HECW2: variants seen among roughly 807,000 people sequenced by gnomAD.
HECW2 encodes the protein HECT, C2 and WW domain containing E3 ubiquitin protein ligase 2.
A neutral mutation model predicts 175.2 loss-of-function variants in HECW2; 61 were observed. The ratio of observed to expected loss-of-function variants is 0.35; its 90% CI spans 0.28 to 0.43. The LOEUF (loss-of-function observed/expected upper bound fraction) is 0.43. Among genes scored for constraint, HECW2 ranks in the 20% least tolerant of loss-of-function variants. The pLI, the probability that HECW2 is intolerant of heterozygous loss-of-function variation, is 1.00. For synonymous variants in HECW2, 671 were observed against 731.0 expected, an observed-to-expected ratio of 0.92 and a Z score of 1.32; for missense variants, 1,524 against 2,000.5, an observed-to-expected ratio of 0.76 and a Z score of 4.54.
intron 2 of HECW2, among the ~76,000 whole-genome samples, chr2:196,354,395 T>C (rs1271734914): frequency 6.6e-6 from 1 of 152,182 alleles, no homozygotes; most frequent in African/African-American, 2.4e-5. Context: ...ACTCACTTGC[T>C]CACATACTCC....
rs1553509126 is a variant in HECW2 at position 196,374,046 on chromosome 2, A to AAT, written c.293-30283_293-30282insAT. Reference sequence around the variant, plus strand: ...GACTCCGTCTCAAAAAAAATAAAATAAAATAAATAAATAAATAAATATGTG... The same window carrying AAT: ...GACTCCGTCTCAAAAAAAATAAAATAATAAATAAATAAATAAATAAATATGTG... On this transcript the variant is annotated intron_variant, in intron 2 of 28. Transcript: ENST00000644978. 1.5e-4 allele frequency among the ~76,000 whole-genome samples: 23 copies of AAT among 148,568 alleles called. 1 individual carries two copies. Among genetic ancestry groups the AAT allele is most frequent in the African/African-American group, 2.8e-4 (11 of 39,122 alleles).
chr2:196,254,312 T>C (rs1688968848), intron 18 of HECW2, among the ~76,000 whole-genome samples: 1 of 152,218 alleles, frequency 6.6e-6, no homozygotes, highest in African/African-American at 2.4e-5. Context: ...TTGAAAATCA[T>C]ACCTGGGTTT....
intron 2 of HECW2, among the ~76,000 whole-genome samples, chr2:196,398,224 G>A (rs537445903): frequency 1.3e-5 from 2 of 152,214 alleles, no homozygotes; most frequent in African/African-American, 4.8e-5. Context: ...AAATGGGAAA[G>A]ACTCATAATT....
intron 1 of HECW2, among the ~76,000 whole-genome samples, chr2:196,436,341 C>T (rs1287648708): frequency 6.9e-6 from 1 of 145,718 alleles, no homozygotes; most frequent in Non-Finnish European, 1.5e-5. Context: ...GCGGAGCTTG[C>T]AGTGAGCAGA....
intron 1 of HECW2, among the ~76,000 whole-genome samples, chr2:196,556,461 C>G (rs1297993288): frequency 3.9e-5 from 6 of 152,144 alleles, no homozygotes; most frequent in Admixed American, 3.9e-4. Flanking sequence ...CTCCCGTTCC[C>G]GACCCTTCTA....
intron 1 of HECW2, among the ~76,000 whole-genome samples, chr2:196,444,095 T>C (rs1559113628): frequency 6.6e-6 from 1 of 152,210 alleles, no homozygotes; most frequent in Admixed American, 6.5e-5. Flanking sequence ...TCATTTCCTC[T>C]TACATTCATT....
At chr2:196,307,082 CT>C (rs756551620) in intron 12 of HECW2, 47 bp downstream of exon 12, 5 of 1,346,104 alleles carry the variant, frequency 3.7e-6, no homozygotes, top group Admixed American at 1.7e-5. Flanking sequence ...TTATTTGCTT[CT>C]TTTTCCACTT....
intron 1 of HECW2, among the ~76,000 whole-genome samples, chr2:196,443,083 C>T (rs6755930): frequency 0.95 from 143,872 of 152,206 alleles, 68,121 homozygotes; most frequent in East Asian, 1. Context: ...AAACATCCGT[C>T]CTTTCTCCAT....
At chr2:196,486,113 C>T (rs1454674625) in intron 1 of HECW2, among the ~76,000 whole-genome samples, 1 of 151,988 alleles carries the variant, frequency 6.6e-6, no homozygotes, top group Non-Finnish European at 1.5e-5. Context: ...TGGTGATAGT[C>T]TAGATTGGGA....
chr2:196,231,076 G>A (rs1051096604), intron 21 of HECW2, among the ~76,000 whole-genome samples: 1 of 115,938 alleles, frequency 8.6e-6, no homozygotes, highest in African/African-American at 3.5e-5. Context: ...CCTGGCGACA[G>A]AGCAGGACTC....
At chr2:196,357,036 G>C (rs547113309) in intron 2 of HECW2, among the ~76,000 whole-genome samples, 2 of 152,180 alleles carry the variant, frequency 1.3e-5, no homozygotes, top group Non-Finnish European at 2.9e-5. Flanking sequence ...ATAATGGAAA[G>C]TCATTAAAGG....
At chr2:196,451,370 T>G (rs942446666) in intron 1 of HECW2, among the ~76,000 whole-genome samples, 1 of 149,328 alleles carries the variant, frequency 6.7e-6, no homozygotes, top group African/African-American at 2.5e-5. Flanking sequence ...GAAGCGGAGG[T>G]TGCAGTGAGC....
At position 196,509,953 on chromosome 2, in the gene HECW2, C is replaced by T. The variant is rs546458935; in HGVS notation, c.-35-76495G>A. On this transcript the variant is annotated intron_variant, in intron 1 of 28. Coordinates refer to ENST00000644978, the MANE Select transcript of HECW2 (RefSeq NM_001348768.2). ...ACTCTTTTAAGATATTAATGTAATA[C>T]TGTGCTCCACTCAACTCATAATCTA... Among the ~76,000 whole-genome samples the T allele has an allele frequency of 2.6e-5, 4 of 152,324 alleles. No homozygotes were observed. In the South Asian group the frequency reaches 6.2e-4, roughly 24 times the overall value.
chr2:196,370,442 GA>G (rs1693874702), intron 2 of HECW2, among the ~76,000 whole-genome samples: 1 of 152,136 alleles, frequency 6.6e-6, no homozygotes, highest in Non-Finnish European at 1.5e-5. Context: ...TCCTCAAGTG[GA>G]ATGCAGGGGT....
chr2:196,382,168 TTATTGA>T (rs1162142758), intron 2 of HECW2, among the ~76,000 whole-genome samples: 2 of 152,078 alleles, frequency 1.3e-5, no homozygotes, highest in East Asian at 3.9e-4. Flanking sequence ...TTGTATTTGC[TTATTGA>T]TATACATGTA....
rs1377349446 is a variant in HECW2, at chr2:196,469,122, T to C, written c.-35-35664A>G. Among the ~76,000 whole-genome samples, 472 of 79,318 alleles carry C rather than the reference T, an allele frequency of 6.0e-3. 3 individuals carry two copies. Among genetic ancestry groups the C allele is most frequent in the African/African-American group, 0.042 (440 of 10,468 alleles). The allele number at this position is 79,318 out of a possible 152,430, so 52.0% of individuals were successfully genotyped here. ...GAACCTGTGTGTGTGTGTGTGTGCG[T>C]GTGTGTGTGTGTGTGTGTGTGTGTG... is the stretch of plus-strand genomic sequence containing the variant. On this transcript the variant is annotated intron_variant, in intron 1 of 28. Coordinates refer to ENST00000644978, the MANE Select transcript of HECW2 (RefSeq NM_001348768.2).
intron 1 of HECW2, among the ~76,000 whole-genome samples, chr2:196,528,112 A>G (rs2125447664): frequency 6.6e-6 from 1 of 152,342 alleles, no homozygotes; most frequent in Non-Finnish European, 1.5e-5. Context: ...TAATGGTGGT[A>G]GTAACTTTGA....
chr2:196,340,203 A>G (rs1484176045), intron 3 of HECW2, among the ~76,000 whole-genome samples: 5 of 152,142 alleles, frequency 3.3e-5, no homozygotes, highest in Non-Finnish European at 2.9e-5. Context: ...TAATCTCTTC[A>G]CAATTTTAAA....
intron 2 of HECW2, among the ~76,000 whole-genome samples, chr2:196,369,770 CACAA>C (rs1249942603): frequency 3.3e-5 from 5 of 151,984 alleles, no homozygotes; most frequent in Non-Finnish European, 5.9e-5. Flanking sequence ...CTCATCTTTC[CACAA>C]ACAGAGGCAT....
Sources: allele counts gnomAD v4.1 joint callset (sites outside exome capture counted in the v4.1 genomes callset), GRCh38; gene constraint gnomAD v4.1.1; transcripts MANE v1.5; gene names NCBI Gene and HGNC (gene_info 2026-07-23, HGNC 2026-07-21).